The following POC1A variants were observed in gnomAD, a reference collection of about 807,000 sequenced individuals.
POC1A encodes POC1 centriolar protein A.
POC1A carries 34 observed loss-of-function variants against 47.8 expected under a neutral mutation model. That is an observed-to-expected ratio of 0.71 (90% confidence interval 0.54 to 0.95). POC1A has a LOEUF of 0.95. Ranked by LOEUF, POC1A falls within the 40% of genes least tolerant of loss-of-function variation. POC1A has a pLI of 0.00. For synonymous variants in POC1A, 177 were observed against 207.6 expected (o/e 0.85, Z 1.27); for missense variants, 466 against 528.3 (o/e 0.88, Z 1.16).
chr3:52,085,804 G>A (rs1319739005), intron 10 of POC1A, among the ~76,000 whole-genome samples: 3 of 152,338 alleles, frequency 2.0e-5, no homozygotes, highest in South Asian at 2.1e-4. Flanking sequence ...ACCTCTCATA[G>A]TCACTGCAAT....
At chr3:52,149,076 G>A (rs1304124507) in intron 4 of POC1A, 134 bp downstream of exon 4, 1 of 670,964 alleles carries the variant, frequency 1.5e-6, no homozygotes, top group African/African-American at 1.8e-5. Flanking sequence ...TACAGATAAG[G>A]AAACCGAGGC....
intron 9 of POC1A, among the ~76,000 whole-genome samples, chr3:52,110,072 CA>C (rs1703328162): frequency 1.3e-5 from 2 of 152,060 alleles, no homozygotes; most frequent in African/African-American, 4.8e-5. Flanking sequence ...TCAAAAATGC[CA>C]AAAGGAAAGA....
chr3:52,092,831 G>A (rs1308180707), intron 10 of POC1A, among the ~76,000 whole-genome samples: 1 of 152,230 alleles, frequency 6.6e-6, no homozygotes. Flanking sequence ...AAGGGTTTCT[G>A]ATGCTGTGCA....
At chr3:52,124,348 A>G (rs957338894) in intron 8 of POC1A, among the ~76,000 whole-genome samples, 1 of 152,222 alleles carries the variant, frequency 6.6e-6, no homozygotes, top group African/African-American at 2.4e-5. Context: ...CCCCAGAAGC[A>G]GGGTGCCTGC....
intron 9 of POC1A, among the ~76,000 whole-genome samples, chr3:52,119,449 C>T (rs1703688684): frequency 6.6e-6 from 1 of 151,150 alleles, no homozygotes; most frequent in Non-Finnish European, 1.5e-5. Context: ...AGCTGGAGTG[C>T]AGTGGTATGA....
intron 7 of POC1A, among the ~76,000 whole-genome samples, chr3:52,132,689 G>A (rs1197610232): frequency 2.0e-5 from 3 of 152,224 alleles, no homozygotes; most frequent in Non-Finnish European, 2.9e-5. Context: ...CAATAAACTT[G>A]TAACCAACAT....
chr3:52,116,594 C>G (rs1482737699), intron 9 of POC1A, among the ~76,000 whole-genome samples: 1 of 152,176 alleles, frequency 6.6e-6, no homozygotes, highest in Non-Finnish European at 1.5e-5. Flanking sequence ...GTCTAGAAAC[C>G]TCACTGGCCC....
chr3:52,142,141 G>A (rs899495114), intron 6 of POC1A, among the ~76,000 whole-genome samples: 7 of 152,260 alleles, frequency 4.6e-5, no homozygotes, highest in Non-Finnish European at 1.0e-4. Context: ...CTGTGAAATG[G>A]AGGGTAGACC....
intron 10 of POC1A, among the ~76,000 whole-genome samples, chr3:52,082,266 C>T (rs1303738942): frequency 6.6e-6 from 1 of 152,176 alleles, no homozygotes; most frequent in East Asian, 1.9e-4. Flanking sequence ...AGCTGAGGGC[C>T]TTGGCAGGAC....
intron 9 of POC1A, among the ~76,000 whole-genome samples, chr3:52,114,779 C>T (rs1207256390): frequency 6.6e-6 from 1 of 152,150 alleles, no homozygotes; most frequent in African/African-American, 2.4e-5. Context: ...AAAGAAAGTC[C>T]CCACTGTTCC....
intron 9 of POC1A, among the ~76,000 whole-genome samples, chr3:52,110,034 G>A (rs888733526): frequency 6.6e-6 from 1 of 152,088 alleles, no homozygotes; most frequent in Non-Finnish European, 1.5e-5. Context: ...AGGCCAGAAG[G>A]TAGCTTCCTT....
intron 10 of POC1A, among the ~76,000 whole-genome samples, chr3:52,085,594 C>T (rs910259730): frequency 1.3e-5 from 2 of 152,154 alleles, no homozygotes; most frequent in African/African-American, 2.4e-5. Flanking sequence ...TGCTAGGATG[C>T]CTGCCTTCCT....
At chr3:52,111,062 T>C (rs563412283) in intron 9 of POC1A, among the ~76,000 whole-genome samples, 2 of 152,322 alleles carry the variant, frequency 1.3e-5, no homozygotes, top group Admixed American at 6.5e-5. Context: ...GTCTTCCTGA[T>C]ACTGTGATTG....
intron 6 of POC1A, among the ~76,000 whole-genome samples, chr3:52,139,383 C>A (rs1389734246): frequency 6.6e-6 from 1 of 152,172 alleles, no homozygotes; most frequent in Non-Finnish European, 1.5e-5. Context: ...TCAGGCTAAC[C>A]CCACCATCTT....
At chr3:52,086,941 G>A (rs1183412669) in intron 10 of POC1A, among the ~76,000 whole-genome samples, 1 of 152,228 alleles carries the variant, frequency 6.6e-6, no homozygotes, top group Non-Finnish European at 1.5e-5. Context: ...TGCCCTGAGT[G>A]CTATGGAAAT....
At chr3:52,076,816 T>C (rs906779049) in intron 10 of POC1A, among the ~76,000 whole-genome samples, 4 of 152,240 alleles carry the variant, frequency 2.6e-5, no homozygotes, top group Non-Finnish European at 5.9e-5. Flanking sequence ...CCCAGCACAA[T>C]GGCTCACCTG....
intron 9 of POC1A, among the ~76,000 whole-genome samples, chr3:52,110,954 T>A (rs190242489): frequency 5.4e-4 from 83 of 152,330 alleles, no homozygotes; most frequent in African/African-American, 1.9e-3. Context: ...CAAAGGAGTG[T>A]GTGTGCCTGG....
At chr3:52,138,381 C>T (rs1229210588) in intron 6 of POC1A, 79 bp from the exon 7 acceptor site, 3 of 1,464,896 alleles carry the variant, frequency 2.0e-6, no homozygotes, top group Non-Finnish European at 2.8e-6. Context: ...CAATCAGGGC[C>T]AATCGAGGCT....
At chr3:52,105,895 G>A (rs868105089) in intron 9 of POC1A, among the ~76,000 whole-genome samples, 1 of 152,300 alleles carries the variant, frequency 6.6e-6, no homozygotes, top group East Asian at 1.9e-4. Flanking sequence ...AAGGTGCTAG[G>A]TCATTTTTGA....
Sources: gnomAD v4.1 joint callset for allele counts (sites outside exome capture counted in the v4.1 genomes callset) on GRCh38, gnomAD v4.1.1 for gene constraint, MANE v1.5 for transcripts, NCBI Gene and HGNC (gene_info 2026-07-23, HGNC 2026-07-21) for gene names.